The following CHLSN variants were observed in gnomAD, a reference collection of about 807,000 sequenced individuals.
CHLSN encodes the protein cholesin, also known as protein cholesin.
chr7:1,036,978 G>A, the CHLSN span, among the ~76,000 whole-genome samples: 2 of 147,412 alleles, frequency 1.4e-5, no homozygotes, highest in African/African-American at 2.4e-5. Context: ...AGGCGTGGTG[G>A]CATGCGCCTG....
the CHLSN span, among the ~76,000 whole-genome samples, chr7:1,008,025 T>C: frequency 1.3e-5 from 2 of 152,158 alleles, no homozygotes; most frequent in African/African-American, 2.4e-5. Context: ...CGGAAGGTGC[T>C]GGCAGGCCTG....
At chr7:983,213 T>C in the CHLSN span, 1 of 1,504,064 alleles carries the variant, frequency 6.6e-7, no homozygotes. Context: ...CACGTCCTCA[T>C]GGCCCTGCTG....
chr7:1,029,998 T>C, the CHLSN span, among the ~76,000 whole-genome samples: 2 of 152,168 alleles, frequency 1.3e-5, no homozygotes, highest in Non-Finnish European at 2.9e-5. Flanking sequence ...TCCGATTTAG[T>C]GTCTCTGCCA....
chr7:1,136,349 T>TATATAAACATATATATAA, the CHLSN span, among the ~76,000 whole-genome samples: 7 of 47,460 alleles, frequency 1.5e-4, no homozygotes, highest in Admixed American at 4.9e-4. Context: ...AACATATAAA[T>TATATAAACATATATATAA]ATATATAAAC....
chr7:1,031,832 G>T, the CHLSN span, among the ~76,000 whole-genome samples: 1 of 144,528 alleles, frequency 6.9e-6, no homozygotes, highest in Non-Finnish European at 1.5e-5. Flanking sequence ...GGGCAGAGTG[G>T]TCCGGGGCGG....
chr7:1,115,772 C>T, the CHLSN span, among the ~76,000 whole-genome samples: 2 of 107,544 alleles, frequency 1.9e-5, no homozygotes, highest in South Asian at 6.8e-4. Context: ...TACAGCACTA[C>T]GGACCGGCTT....
the CHLSN span, among the ~76,000 whole-genome samples, chr7:1,041,284 C>CGCGCTGCGGGGAAGGGGACCTGGGCTCT: frequency 7.6e-5 from 9 of 118,180 alleles, no homozygotes; most frequent in African/African-American, 3.1e-4. Flanking sequence ...ACCTGGGCTC[C>CGCGCTGCGGGGAAGGGGACCTGGGCTCT]GCGCTGCGGG....
At chr7:1,084,466 G>A in the CHLSN span, among the ~76,000 whole-genome samples, 1 of 152,246 alleles carries the variant, frequency 6.6e-6, no homozygotes, top group African/African-American at 2.4e-5. Flanking sequence ...TCCCCTGTAA[G>A]GTGGATCCGG....
the CHLSN span, chr7:1,026,693 T>G: frequency 1.3e-5 from 2 of 152,246 alleles, no homozygotes; most frequent in South Asian, 2.1e-4. Context: ...ATGGGAACCA[T>G]GCAAAGACAT....
the CHLSN span, chr7:986,439 G>A: frequency 1.5e-6 from 1 of 661,948 alleles, no homozygotes; most frequent in Non-Finnish European, 2.6e-6. Flanking sequence ...GACACGGACA[G>A]GGGGTTTCCT....
At chr7:1,129,559 C>A in the CHLSN span, among the ~76,000 whole-genome samples, 27 of 152,246 alleles carry the variant, frequency 1.8e-4, no homozygotes, top group Non-Finnish European at 3.4e-4. Context: ...CATCCTCCCA[C>A]CTCAGCCTCC....
chr7:1,123,340 C>G, the CHLSN span, among the ~76,000 whole-genome samples: 1 of 152,218 alleles, frequency 6.6e-6, no homozygotes, highest in Non-Finnish European at 1.5e-5. The surrounding 1 kb of genome is among the most constrained non-coding windows in gnomAD (Gnocchi z 4.4). Flanking sequence ...CTGCACGGGG[C>G]CCCGGGAGTG....
At chr7:1,055,610 C>T in the CHLSN span, 7 of 357,848 alleles carry the variant, frequency 2.0e-5, no homozygotes, top group Non-Finnish European at 3.9e-5. Flanking sequence ...GGGTTCTGTA[C>T]AGTGCCACCG....
chr7:1,009,897 C>T, the CHLSN span: 1 of 1,419,956 alleles, frequency 7.0e-7, no homozygotes, highest in Non-Finnish European at 9.4e-7. Context: ...CCCCCTCAGG[C>T]AGGGGTTGAG....
chr7:1,029,556 G>A, the CHLSN span, among the ~76,000 whole-genome samples: 4 of 152,206 alleles, frequency 2.6e-5, no homozygotes, highest in African/African-American at 4.8e-5. Flanking sequence ...CATGCACCAC[G>A]GTGCCTGCCT....
the CHLSN span, among the ~76,000 whole-genome samples, chr7:1,068,940 G>A: frequency 0.27 from 41,443 of 152,090 alleles, 5,852 homozygotes; most frequent in African/African-American, 0.29. Context: ...GTGAGGAACC[G>A]GGGGAGGGGC....
the CHLSN span, among the ~76,000 whole-genome samples, chr7:1,012,711 C>T: frequency 1.3e-5 from 2 of 152,248 alleles, no homozygotes; most frequent in Non-Finnish European, 2.9e-5. Context: ...CTGTGCTGGG[C>T]CTCAACAGAA....
At chr7:1,017,775 G>T in the CHLSN span, among the ~76,000 whole-genome samples, 1 of 152,194 alleles carries the variant, frequency 6.6e-6, no homozygotes, top group Non-Finnish European at 1.5e-5. Context: ...AGCTGCGGAC[G>T]GCAGGGTAAG....
the CHLSN span, among the ~76,000 whole-genome samples, chr7:994,304 G>A: frequency 2.0e-5 from 3 of 151,576 alleles, no homozygotes; most frequent in African/African-American, 7.3e-5. Context: ...ATCACTACAG[G>A]CGCCCACCAC....
Sources: gnomAD v4.1 joint callset for allele counts (sites outside exome capture counted in the v4.1 genomes callset) on GRCh38, gnomAD v4.1.1 for gene constraint, Gnocchi (gnomAD v3.1) non-coding constraint, MANE v1.5 for transcripts, NCBI Gene and HGNC (gene_info 2026-07-23, HGNC 2026-07-21) for gene names.